Variants in CSRNP3 observed in about 807,000 individuals in gnomAD.
CSRNP3 encodes cysteine and serine rich nuclear protein 3, also known as cysteine/serine-rich nuclear protein 3.
In CSRNP3, 12 loss-of-function variants were observed where a neutral mutation model predicts 48.0. The observed-to-expected ratio is 0.25, with a 90% CI of 0.16 to 0.41. The LOEUF is 0.41. Ranked by LOEUF, CSRNP3 falls within the 10% of genes least tolerant of loss-of-function variation. The probability of loss-of-function intolerance (pLI) is 1.00; values close to 1 mark genes in which losing one functional copy is unlikely to be tolerated. For synonymous variants in CSRNP3, 263 were observed against 269.7 expected (o/e 0.98, Z 0.24); for missense variants, 580 against 724.4 (o/e 0.80, Z 2.29).
chr2:165,637,048 A>G (rs989630014), intron 4 of CSRNP3, among the ~76,000 whole-genome samples: 1 of 152,190 alleles, frequency 6.6e-6, no homozygotes. Context: ...TTTTTAGCTA[A>G]AATTTCTGAT....
intron 4 of CSRNP3, among the ~76,000 whole-genome samples, chr2:165,620,948 T>G (rs1252881091): frequency 1.3e-5 from 2 of 152,134 alleles, no homozygotes; most frequent in African/African-American, 4.8e-5. Context: ...TTATCCTTTA[T>G]ATATAAAACT....
chr2:165,499,415 A>G (rs1051474352), intron 2 of CSRNP3, among the ~76,000 whole-genome samples: 5 of 152,172 alleles, frequency 3.3e-5, no homozygotes, highest in African/African-American at 9.7e-5. Flanking sequence ...CTTAAAAGAA[A>G]AAAAGAGAGA....
chr2:165,528,996 T>C (rs1040146246), intron 3 of CSRNP3, among the ~76,000 whole-genome samples: 10 of 152,148 alleles, frequency 6.6e-5, no homozygotes, highest in Admixed American at 2.0e-4. Flanking sequence ...CCTGCCCTCC[T>C]GGGTGCAGTT....
intron 3 of CSRNP3, among the ~76,000 whole-genome samples, chr2:165,551,807 C>T (rs1685099556): frequency 6.6e-6 from 1 of 151,992 alleles, no homozygotes; most frequent in Admixed American, 6.6e-5. Context: ...AATCTCAGAA[C>T]TCCAAACACA....
chr2:165,472,815 C>T (rs970740960), intron 1 of CSRNP3, among the ~76,000 whole-genome samples: 2 of 152,060 alleles, frequency 1.3e-5, no homozygotes, highest in African/African-American at 4.8e-5. Context: ...GCAAATAAAG[C>T]ACCACATGCT....
chr2:165,493,988 G>A (rs1471190204), intron 1 of CSRNP3, among the ~76,000 whole-genome samples: 1 of 152,070 alleles, frequency 6.6e-6, no homozygotes, highest in Non-Finnish European at 1.5e-5. Context: ...CTCAGGTTTA[G>A]TGATTCATCT....
intron 3 of CSRNP3, among the ~76,000 whole-genome samples, chr2:165,592,097 G>A (rs192306768): frequency 6.6e-6 from 1 of 152,350 alleles, no homozygotes; most frequent in East Asian, 1.9e-4. Flanking sequence ...CCAAGGCTGT[G>A]GGAGACCACC....
intron 4 of CSRNP3, among the ~76,000 whole-genome samples, chr2:165,617,312 G>C (rs1686263713): frequency 6.6e-6 from 1 of 152,178 alleles, no homozygotes; most frequent in African/African-American, 2.4e-5. Flanking sequence ...GCTTTCATAT[G>C]GAAAGAATTT....
chr2:165,656,490 A>C (rs1687007591), intron 4 of CSRNP3, among the ~76,000 whole-genome samples: 1 of 152,200 alleles, frequency 6.6e-6, no homozygotes, highest in Non-Finnish European at 1.5e-5. Flanking sequence ...CAGCACATAC[A>C]TATATCAAAG....
At chr2:165,635,059 G>C (rs368955445) in intron 4 of CSRNP3, among the ~76,000 whole-genome samples, 1 of 152,110 alleles carries the variant, frequency 6.6e-6, no homozygotes. Flanking sequence ...CTGGAGCTCC[G>C]GGCTTGGTGT....
intron 3 of CSRNP3, among the ~76,000 whole-genome samples, chr2:165,563,483 T>C (rs1340584963): frequency 3.9e-5 from 6 of 152,222 alleles, no homozygotes; most frequent in Admixed American, 1.3e-4. Flanking sequence ...CTGGAGTCTC[T>C]GTGAATTTGC....
intron 3 of CSRNP3, among the ~76,000 whole-genome samples, chr2:165,565,662 C>T (rs756455568): frequency 6.6e-6 from 1 of 151,954 alleles, no homozygotes; most frequent in Non-Finnish European, 1.5e-5. Context: ...ATGCATGCCT[C>T]ATATCAAGGA....
chr2:165,679,914 G>A lies in CSRNP3; in HGVS notation c.*161G>A. 2 of 946,834 alleles carry A rather than the reference G, an allele frequency of 2.1e-6. No homozygotes were observed. The highest frequency in any genetic ancestry group is 3.4e-5 in the South Asian group (2 of 59,634). 58.7% of individuals were successfully genotyped at this position (946,834 alleles called of 1,614,324 possible). A position where few individuals can be genotyped will look rare whatever the true frequency, so the allele number is the denominator to read the frequency against. ...TTTTTTCCTTTCTAGCCACATGACT[G>A]TGGCATTGCACAAATACAGTCTCTG... On this transcript the variant is annotated 3_prime_UTR_variant, in exon 7 of 7. Transcript: ENST00000651982.
At chr2:165,631,380 C>T (rs963424058) in intron 4 of CSRNP3, among the ~76,000 whole-genome samples, 5 of 152,206 alleles carry the variant, frequency 3.3e-5, no homozygotes, top group African/African-American at 1.2e-4. Context: ...TTTATATTCT[C>T]ACTCTAGGGA....
At chr2:165,574,157 A>G (rs1007169274) in intron 3 of CSRNP3, 10 of 493,912 alleles carry the variant, frequency 2.0e-5, no homozygotes, top group East Asian at 3.2e-5. Flanking sequence ...CAGTTCCACA[A>G]TTCCTTACCC....
At chr2:165,648,961 C>T (rs1400795058) in intron 4 of CSRNP3, among the ~76,000 whole-genome samples, 1 of 152,134 alleles carries the variant, frequency 6.6e-6, no homozygotes, top group African/African-American at 2.4e-5. Flanking sequence ...AGCTGAACAG[C>T]CTGGGCTGTG....
At chr2:165,603,946 T>A (rs1215703724) in intron 4 of CSRNP3, among the ~76,000 whole-genome samples, 1 of 152,216 alleles carries the variant, frequency 6.6e-6, no homozygotes, top group African/African-American at 2.4e-5. Context: ...TACCCACATG[T>A]CTTTACCCTA....
intron 2 of CSRNP3, among the ~76,000 whole-genome samples, chr2:165,496,719 C>T (rs1684288078): frequency 1.3e-5 from 2 of 151,850 alleles, no homozygotes; most frequent in Admixed American, 6.6e-5. Context: ...AGTTTAAAAC[C>T]CTATACCTTT....
chr2:165,538,080 C>T (rs1047098387), intron 3 of CSRNP3, among the ~76,000 whole-genome samples: 1 of 151,822 alleles, frequency 6.6e-6, no homozygotes, highest in Non-Finnish European at 1.5e-5. Context: ...TAGCAAGGAC[C>T]CACTGCTCCA....
Sources: gnomAD v4.1 joint callset for allele counts (sites outside exome capture counted in the v4.1 genomes callset) on GRCh38, gnomAD v4.1.1 for gene constraint, MANE v1.5 for transcripts, NCBI Gene and HGNC (gene_info 2026-07-23, HGNC 2026-07-21) for gene names.